The following CD9 variants were observed in gnomAD, a reference collection of about 807,000 sequenced individuals.
CD9 encodes CD9 antigen.
Under a neutral mutation model 31.4 loss-of-function variants are expected in CD9, and 10 were observed. That is an observed-to-expected ratio of 0.32 (90% CI 0.20 to 0.54). CD9 has a LOEUF of 0.54. Ranked by LOEUF, CD9 falls within the 20% of genes least tolerant of loss-of-function variation. CD9 has a pLI of 0.94. For missense variants in CD9, 259 were observed against 300.1 expected (o/e 0.86, Z 1.01); for synonymous variants, 113 against 114.1 (o/e 0.99, Z 0.06).
At chr12:6,200,194 G>C (rs1050427417), upstream of CD9, 9 of 156,472 alleles carry the variant, frequency 5.8e-5, no homozygotes, top group African/African-American at 1.7e-4. Flanking sequence ...GAGAGGGTCG[G>C]GCTCCGCGGG....
chr12:6,213,355 T>G (rs1483463764), intron 1 of CD9, among the ~76,000 whole-genome samples: 1 of 152,258 alleles, frequency 6.6e-6, no homozygotes, highest in Non-Finnish European at 1.5e-5. Context: ...GGACGTATCT[T>G]TCCACCTGTC....
At chr12:6,204,578 G>A (rs564373255) in intron 1 of CD9, among the ~76,000 whole-genome samples, 3 of 152,060 alleles carry the variant, frequency 2.0e-5, no homozygotes, top group Admixed American at 6.6e-5. Context: ...TTCATTGCCC[G>A]TATACCTTAG....
At chr12:6,237,365 A>C (rs1946535494) in intron 7 of CD9, among the ~76,000 whole-genome samples, 1 of 152,318 alleles carries the variant, frequency 6.6e-6, no homozygotes, top group African/African-American at 2.4e-5. Flanking sequence ...CCTAAGCAAC[A>C]GAGCAAGACT....
At chr12:6,235,683 G>A (rs1479941647) in intron 6 of CD9, 118 bp downstream of exon 6, 14 of 1,444,292 alleles carry the variant, frequency 9.7e-6, no homozygotes, top group Middle Eastern at 1.8e-4. Context: ...CCTGTGAAAG[G>A]GCCCCAGGGC....
At chr12:6,210,686 GA>G (rs1946185116) in intron 1 of CD9, among the ~76,000 whole-genome samples, 1 of 152,090 alleles carries the variant, frequency 6.6e-6, no homozygotes, top group African/African-American at 2.4e-5. Context: ...AGGCAAAAGG[GA>G]AAAAATTCTG....
chr12:6,212,488 C>T (rs1359661629), intron 1 of CD9, among the ~76,000 whole-genome samples: 1 of 152,214 alleles, frequency 6.6e-6, no homozygotes, highest in Non-Finnish European at 1.5e-5. Context: ...CACAACGAGC[C>T]AGGCATAGCA....
chr12:6,232,357 A>G lies in CD9; in HGVS notation c.176-275A>G, dbSNP rs1334638836. On this transcript the variant is annotated intron_variant, in intron 2 of 7. Coordinates refer to ENST00000009180, the MANE Select transcript of CD9 (RefSeq NM_001769.4). This position sits in a 1 kb window ranked among gnomAD's most constrained non-coding sequence, Gnocchi z 4.8. ...CGTGGATATTCTCTGTCCTGGATTG[A>G]GGGCTAATGGGCACCTTCCAGAAGG... 3 of 536,696 alleles carry G rather than the reference A, an allele frequency of 5.6e-6. No homozygotes were observed. Among genetic ancestry groups the G allele is most frequent in the Non-Finnish European group, 1.0e-5 (3 of 297,326 alleles). 33.2% of individuals were successfully genotyped at this position (536,696 alleles called of 1,614,324 possible). A position where few individuals can be genotyped will look rare whatever the true frequency, so the allele number is the denominator to read the frequency against.
chr12:6,204,552 GTC>G (rs1946110054), intron 1 of CD9, among the ~76,000 whole-genome samples: 1 of 152,084 alleles, frequency 6.6e-6, no homozygotes, highest in African/African-American at 2.4e-5. Context: ...CCTGGGTGGG[GTC>G]TCTCTCAGGG....
intron 2 of CD9, among the ~76,000 whole-genome samples, chr12:6,230,493 T>C (rs1253285601): frequency 6.6e-6 from 1 of 152,258 alleles, no homozygotes; most frequent in African/African-American, 2.4e-5. Context: ...GCCTGTTCGT[T>C]CCCACTCCAC....
chr12:6,235,977 A>G lies in CD9; in HGVS notation c.538-215A>G, dbSNP rs11568268. The G allele has an allele frequency of 3.6e-3, 5,138 of 1,417,192 alleles. 161 individuals carry two copies. The African/African-American group carries it at 0.064, about 18-fold the overall frequency. The allele number at this position is 1,417,192 out of a possible 1,614,324, so 87.8% of individuals were successfully genotyped here. A position where few individuals can be genotyped will look rare whatever the true frequency, so the allele number is the denominator to read the frequency against. On this transcript the variant is annotated intron_variant, in intron 6 of 7. Transcript: ENST00000009180. ...AGGGCCTGTCCCTCCTCCTTCCCTG[A>G]CGTCCTGCCCAGATTTTAGGGATCC...
chr12:6,213,331 G>A (rs770918024), intron 1 of CD9, among the ~76,000 whole-genome samples: 1 of 152,126 alleles, frequency 6.6e-6, no homozygotes, highest in Non-Finnish European at 1.5e-5. Flanking sequence ...TCTCCCTCTC[G>A]AACACGAATT....
At chr12:6,230,739 C>T (rs547552700) in intron 2 of CD9, among the ~76,000 whole-genome samples, 33 of 152,382 alleles carry the variant, frequency 2.2e-4, no homozygotes, top group Middle Eastern at 3.4e-3. Flanking sequence ...GTGGCCTCAA[C>T]AGCGTTTGAC....
intron 1 of CD9, among the ~76,000 whole-genome samples, chr12:6,224,039 C>T (rs11064095): frequency 0.085 from 13,005 of 152,138 alleles, 1,767 homozygotes; most frequent in African/African-American, 0.29. Flanking sequence ...ATGTTTGGAG[C>T]TGCCTGCCCT....
At chr12:6,222,346 G>C (rs1033946051) in intron 1 of CD9, among the ~76,000 whole-genome samples, 1 of 152,184 alleles carries the variant, frequency 6.6e-6, no homozygotes, top group Non-Finnish European at 1.5e-5. Context: ...CATGCCCCTG[G>C]CCCTCCCTTT....
intron 1 of CD9, among the ~76,000 whole-genome samples, chr12:6,220,434 C>T (rs923646682): frequency 3.3e-5 from 5 of 152,028 alleles, no homozygotes; most frequent in South Asian, 2.1e-4. Flanking sequence ...GATGCAGTGA[C>T]GAGCCAGTGA....
intron 1 of CD9, among the ~76,000 whole-genome samples, chr12:6,211,742 G>C (rs1320257299): frequency 6.6e-6 from 1 of 152,220 alleles, no homozygotes; most frequent in African/African-American, 2.4e-5. Flanking sequence ...TTTTGGTTAA[G>C]ATCAGAATGC....
intron 1 of CD9, among the ~76,000 whole-genome samples, chr12:6,203,519 A>G (rs1320253604): frequency 2.6e-5 from 4 of 152,170 alleles, no homozygotes; most frequent in African/African-American, 9.7e-5. Context: ...TCAGTGGAGT[A>G]GGATGGTTAT....
At chr12:6,216,743 C>T (rs1420086085) in intron 1 of CD9, among the ~76,000 whole-genome samples, 2 of 152,126 alleles carry the variant, frequency 1.3e-5, no homozygotes, top group Non-Finnish European at 1.5e-5. Flanking sequence ...ACACAGACTC[C>T]CACACAAACC....
At chr12:6,229,076 T>C (rs1946407554) in intron 2 of CD9, among the ~76,000 whole-genome samples, 1 of 152,248 alleles carries the variant, frequency 6.6e-6, no homozygotes, top group South Asian at 2.1e-4. Context: ...AATCCAGGCC[T>C]GGAGATTCAG....
Sources: gnomAD v4.1 joint callset for allele counts (sites outside exome capture counted in the v4.1 genomes callset) on GRCh38, gnomAD v4.1.1 for gene constraint, Gnocchi (gnomAD v3.1) non-coding constraint, MANE v1.5 for transcripts, NCBI Gene and HGNC (gene_info 2026-07-23, HGNC 2026-07-21) for gene names.